The following SLC29A3 variants were observed in gnomAD, a reference collection of about 807,000 sequenced individuals.
SLC29A3 encodes the protein solute carrier family 29 member 3, also known as equilibrative nucleoside transporter 3.
SLC29A3 carries 18 observed loss-of-function variants against 25.4 expected under a neutral mutation model. The ratio of observed to expected loss-of-function variants is 0.71; its 90% confidence interval spans 0.49 to 1.05. SLC29A3 has a LOEUF of 1.05. Ranked by LOEUF, SLC29A3 falls within the 50% of genes least tolerant of loss-of-function variation. The pLI is 0.00. For missense variants in SLC29A3, 586 were observed against 609.0 expected (o/e 0.96, Z 0.40); for synonymous variants, 258 against 267.1 (o/e 0.97, Z 0.33).
rs148376319 is a variant in SLC29A3 at position 71,334,190 on chromosome 10, C to T, written c.301-10019C>T. Among the ~76,000 whole-genome samples, 206 of 152,326 alleles carry T rather than the reference C, an allele frequency of 1.4e-3. 1 individual carries two copies. Among genetic ancestry groups the T allele is most frequent in the African/African-American group, 4.5e-3 (189 of 41,574 alleles). On this transcript the variant is annotated intron_variant, in intron 2 of 5. Transcript: ENST00000373189. ...TAGATTGGGACCCAGAAACTTTTCC[C>T]GCAAAGGGCCAGATGGTTCGTATTT... is the stretch of plus-strand genomic sequence containing the variant.
intron 5 of SLC29A3, 110 bp downstream of exon 5, chr10:71,356,353 C>G (rs1245099241): frequency 7.3e-7 from 1 of 1,370,852 alleles, no homozygotes; most frequent in Non-Finnish European, 1.0e-6. Flanking sequence ...TGCTATGGCT[C>G]AAAGCAGTTG....
At chr10:71,375,045 A>T (rs192950220) in intron 3 of SLC29A3, among the ~76,000 whole-genome samples, 174 of 152,366 alleles carry the variant, frequency 1.1e-3, no homozygotes, top group African/African-American at 4.1e-3. Flanking sequence ...GCAGAGGAGG[A>T]ATAGCGCAGG....
chr10:71,340,434 A>G (rs950173421), intron 2 of SLC29A3, among the ~76,000 whole-genome samples: 2 of 152,204 alleles, frequency 1.3e-5, no homozygotes, highest in African/African-American at 2.4e-5. Context: ...CGATCTTCTC[A>G]TCCCCCAACT....
chr10:71,351,416 G>A, intron 3 of SLC29A3, 146 bp from the exon 4 acceptor site: 2 of 667,880 alleles, frequency 3.0e-6, no homozygotes, highest in Non-Finnish European at 5.2e-6. Flanking sequence ...AGCCGGGAAG[G>A]CAGGATTCGA....
intron 5 of SLC29A3, among the ~76,000 whole-genome samples, chr10:71,361,611 T>C (rs865911117): frequency 2.6e-5 from 4 of 152,240 alleles, no homozygotes; most frequent in African/African-American, 7.2e-5. Flanking sequence ...TTTAGAAATC[T>C]GCATTTTTAA....
In SLC29A3 at chr10:71,363,232, G is replaced by T. The variant is rs1324861155; in HGVS notation, c.*624G>T. 2.2e-6 allele frequency: 1 copy of T among 454,108 alleles called. No individual in the cohort carries two copies. The highest frequency in any genetic ancestry group is 4.4e-6 in the Non-Finnish European group (1 of 226,786). 28.1% of individuals were successfully genotyped at this position (454,108 alleles called of 1,614,324 possible). ...GACCAGAGGGCCTCCCTGTGCAAGG[G>T]ATCAAGCATGTCTGGCCTGGGTTTT... is the stretch of plus-strand genomic sequence containing the variant. On this transcript the variant is annotated 3_prime_UTR_variant, in exon 6 of 6. Coordinates refer to ENST00000373189, the MANE Select transcript of SLC29A3 (RefSeq NM_018344.6).
rs375390314 is a variant in SLC29A3, at chr10:71,321,889, G to A, written c.2-867G>A. Among the ~76,000 whole-genome samples, 22 of 152,332 alleles carry A rather than the reference G, an allele frequency of 1.4e-4. 1 individual carries two copies. The East Asian group carries it at 2.3e-3, about 16-fold the overall frequency. ...TGCAAACCCAGGCTTGGCCATTTAC[G>A]TGGCCTATGGCCTTCAGTTCTTTGG... On this transcript the variant is annotated intron_variant, in intron 1 of 5. Transcript: ENST00000373189.
intron 2 of SLC29A3, 33 bp from the exon 3 acceptor site, chr10:71,344,176 G>A: frequency 1.9e-6 from 3 of 1,568,412 alleles, no homozygotes; most frequent in Non-Finnish European, 1.8e-6. Context: ...ATCCCTGAGT[G>A]ACCGCAGCAC....
chr10:71,356,831 T>A (rs552029111), intron 5 of SLC29A3, among the ~76,000 whole-genome samples: 1 of 152,090 alleles, frequency 6.6e-6, no homozygotes, highest in South Asian at 2.1e-4. Context: ...TCTCTGAAAA[T>A]GAACAAACAA....
At chr10:71,343,204 C>T (rs1846460672) in intron 2 of SLC29A3, among the ~76,000 whole-genome samples, 1 of 152,156 alleles carries the variant, frequency 6.6e-6, no homozygotes, top group African/African-American at 2.4e-5. Context: ...GGGTTCAAGC[C>T]ATCCTCCCAC....
chr10:71,351,825 C>A, intron 4 of SLC29A3, 37 bp downstream of exon 4: 1 of 1,564,708 alleles, frequency 6.4e-7, no homozygotes, highest in Non-Finnish European at 8.7e-7. Flanking sequence ...CCAGGTTCAT[C>A]CACCCAGGAG....
chr10:71,352,030 C>T (rs767973601), intron 4 of SLC29A3, among the ~76,000 whole-genome samples: 2 of 152,170 alleles, frequency 1.3e-5, no homozygotes, highest in South Asian at 2.1e-4. Flanking sequence ...CAGCATAGCT[C>T]GACGGGGAGC....
At chr10:71,376,736 T>G (rs555926255) in intron 4 of SLC29A3, among the ~76,000 whole-genome samples, 13 of 152,300 alleles carry the variant, frequency 8.5e-5, no homozygotes, top group Non-Finnish European at 1.6e-4. Context: ...TAGCAGCAAT[T>G]AGAAGTGGGT....
intron 4 of SLC29A3, among the ~76,000 whole-genome samples, chr10:71,377,044 G>A (rs543570538): frequency 6.6e-6 from 1 of 152,332 alleles, no homozygotes; most frequent in East Asian, 1.9e-4. Flanking sequence ...GGGATTACAG[G>A]CGTGAGCCAC....
intron 2 of SLC29A3, among the ~76,000 whole-genome samples, chr10:71,339,166 G>A (rs994543090): frequency 4.6e-5 from 7 of 152,190 alleles, no homozygotes; most frequent in Admixed American, 2.6e-4. Context: ...AAATGAGAGC[G>A]ATTCCAGCCC....
chr10:71,369,425 G>A (rs778658134), intron 3 of SLC29A3, among the ~76,000 whole-genome samples: 2 of 152,172 alleles, frequency 1.3e-5, no homozygotes, highest in Non-Finnish European at 2.9e-5. Flanking sequence ...GTGTGGCTTG[G>A]CTTCTCCTAA....
chr10:71,348,168 T>C (rs1028023232), intron 3 of SLC29A3, among the ~76,000 whole-genome samples: 68 of 152,228 alleles, frequency 4.5e-4, no homozygotes, highest in African/African-American at 1.6e-3. Context: ...CAGCAAATAT[T>C]TACCCAGTGC....
At chr10:71,322,027 AT>A (rs199655080) in intron 1 of SLC29A3, among the ~76,000 whole-genome samples, 3 of 152,172 alleles carry the variant, frequency 2.0e-5, no homozygotes, top group Admixed American at 6.5e-5. Context: ...CTTAATTTGA[AT>A]TTTTTTAAAT....
At chr10:71,378,022 A>C (rs2131861455) in intron 4 of SLC29A3, among the ~76,000 whole-genome samples, 1 of 143,984 alleles carries the variant, frequency 6.9e-6, no homozygotes, top group Middle Eastern at 3.5e-3. Context: ...AGTTCAGCAA[A>C]CCTAAATCTG....
Sources: allele counts gnomAD v4.1 joint callset (sites outside exome capture counted in the v4.1 genomes callset), GRCh38; gene constraint gnomAD v4.1.1; transcripts MANE v1.5; gene names NCBI Gene and HGNC (gene_info 2026-07-23, HGNC 2026-07-21).